The following ARHGAP26 variants were observed in gnomAD, a reference collection of about 807,000 sequenced individuals.
ARHGAP26 encodes the protein rho GTPase-activating protein 26.
ARHGAP26 carries 38 observed loss-of-function variants against 104.8 expected under a neutral mutation model. That is an observed-to-expected ratio of 0.36 (90% confidence interval 0.28 to 0.48). ARHGAP26 has a LOEUF of 0.48. Among genes scored for constraint, ARHGAP26 ranks in the 20% least tolerant of loss-of-function variants. The probability of loss-of-function intolerance (pLI) is 0.99; values close to 1 mark genes in which losing one functional copy is unlikely to be tolerated. For synonymous variants in ARHGAP26, 341 were observed against 340.0 expected (o/e 1.00, Z -0.03); for missense variants, 704 against 947.9 (o/e 0.74, Z 3.38).
chr5:143,016,391 G>A (rs927527026), intron 12 of ARHGAP26, among the ~76,000 whole-genome samples: 4 of 152,124 alleles, frequency 2.6e-5, no homozygotes, highest in African/African-American at 9.7e-5. Flanking sequence ...CACACAGGAG[G>A]TAAAAAGATG....
At chr5:142,949,361 A>C (rs1002028650) in intron 11 of ARHGAP26, among the ~76,000 whole-genome samples, 1 of 151,940 alleles carries the variant, frequency 6.6e-6, no homozygotes, top group African/African-American at 2.4e-5. Context: ...GACCCGAGCC[A>C]TATCACTCAC....
intron 20 of ARHGAP26, among the ~76,000 whole-genome samples, chr5:143,177,441 A>G (rs549457214): frequency 6.6e-6 from 1 of 152,304 alleles, no homozygotes; most frequent in South Asian, 2.1e-4. Flanking sequence ...CAAGACGCTC[A>G]GTCATGGTTG....
intron 6 of ARHGAP26, among the ~76,000 whole-genome samples, chr5:142,895,528 C>T (rs1408092652): frequency 6.6e-6 from 1 of 152,186 alleles, no homozygotes; most frequent in Non-Finnish European, 1.5e-5. Flanking sequence ...GCACGCCCGA[C>T]CAAGAAAGGA....
At chr5:142,819,241 C>T (rs1378176168) in intron 1 of ARHGAP26, among the ~76,000 whole-genome samples, 1 of 152,132 alleles carries the variant, frequency 6.6e-6, no homozygotes, top group Non-Finnish European at 1.5e-5. Flanking sequence ...TTCCTCTGTG[C>T]CCTAATTACA....
intron 19 of ARHGAP26, among the ~76,000 whole-genome samples, chr5:143,143,414 C>T (rs1798791773): frequency 6.6e-6 from 1 of 152,114 alleles, no homozygotes; most frequent in Non-Finnish European, 1.5e-5. Context: ...TCCATGGCAA[C>T]CCCCAGAACA....
chr5:143,087,098 C>T (rs1790703108), intron 17 of ARHGAP26, among the ~76,000 whole-genome samples: 1 of 152,226 alleles, frequency 6.6e-6, no homozygotes, highest in Admixed American at 6.5e-5. Context: ...CTCAAATATA[C>T]TATGCCTTAA....
At chr5:143,043,988 C>G (rs1316588779) in intron 14 of ARHGAP26, among the ~76,000 whole-genome samples, 3 of 152,164 alleles carry the variant, frequency 2.0e-5, no homozygotes, top group African/African-American at 7.2e-5. Flanking sequence ...AAAGACTTAA[C>G]TTGAGGCTGG....
At chr5:142,854,972 T>C (rs1490542383) in intron 1 of ARHGAP26, among the ~76,000 whole-genome samples, 2 of 152,348 alleles carry the variant, frequency 1.3e-5, no homozygotes, top group Non-Finnish European at 2.9e-5. Context: ...GCTTGTGGTA[T>C]CCTTCCCTTG....
chr5:143,162,301 A>G (rs1309732941), intron 20 of ARHGAP26, among the ~76,000 whole-genome samples: 1 of 150,622 alleles, frequency 6.6e-6, no homozygotes, highest in Non-Finnish European at 1.5e-5. Context: ...ACACACACAC[A>G]CACACACACA....
At chr5:142,905,363 G>GT (rs1253374048) in intron 8 of ARHGAP26, among the ~76,000 whole-genome samples, 1 of 151,814 alleles carries the variant, frequency 6.6e-6, no homozygotes, top group Non-Finnish European at 1.5e-5. Flanking sequence ...CCCTAACACA[G>GT]TCCAGAGCAC....
rs571488947 is a variant in ARHGAP26 at position 142,984,367 on chromosome 5, T to G, written c.1108-29713T>G. Among the ~76,000 whole-genome samples, 247 of 152,304 alleles carry G rather than the reference T, an allele frequency of 1.6e-3. 1 individual carries two copies. The highest frequency in any genetic ancestry group is 2.4e-3 in the Non-Finnish European group (164 of 68,028). The stretch of plus-strand genomic sequence containing the variant: ...AGAAAAGGAAACAGACATTGTACAG[T>G]CCATTAGCAGTAGCTGTCACACTTG... On this transcript the variant is annotated intron_variant, in intron 11 of 22. Coordinates refer to ENST00000645722, the MANE Select transcript of ARHGAP26 (RefSeq NM_001135608.3).
At chr5:143,171,215 A>G (rs1018835027) in intron 20 of ARHGAP26, among the ~76,000 whole-genome samples, 5 of 152,188 alleles carry the variant, frequency 3.3e-5, no homozygotes, top group Non-Finnish European at 5.9e-5. Context: ...TAGATGAACA[A>G]CCACTATCAA....
At chr5:142,800,320 G>GTCTCTC (rs554534447) in intron 1 of ARHGAP26, among the ~76,000 whole-genome samples, 1 of 150,848 alleles carries the variant, frequency 6.6e-6, no homozygotes, top group East Asian at 1.9e-4. Flanking sequence ...GTCTGTCTCT[G>GTCTCTC]TCTCTCTCTC....
At chr5:142,847,536 T>C (rs1004723224) in intron 1 of ARHGAP26, among the ~76,000 whole-genome samples, 8 of 152,180 alleles carry the variant, frequency 5.3e-5, no homozygotes, top group Admixed American at 5.2e-4. Context: ...TTTGTATTTT[T>C]AGTAGAGACG....
intron 1 of ARHGAP26, among the ~76,000 whole-genome samples, chr5:142,781,276 G>A (rs1002146679): frequency 6.6e-6 from 1 of 152,010 alleles, no homozygotes; most frequent in African/African-American, 2.4e-5. Context: ...TATTTACTTT[G>A]AAAAAAGTCT....
intron 1 of ARHGAP26, among the ~76,000 whole-genome samples, chr5:142,788,262 A>G (rs1416433251): frequency 6.6e-6 from 1 of 152,046 alleles, no homozygotes; most frequent in East Asian, 1.9e-4. Flanking sequence ...TGGCCTCCCA[A>G]AGTGCTGGGA....
intron 11 of ARHGAP26, among the ~76,000 whole-genome samples, chr5:142,939,169 A>G (rs1765879094): frequency 6.6e-6 from 1 of 152,208 alleles, no homozygotes; most frequent in African/African-American, 2.4e-5. Context: ...AAGGCTGGTA[A>G]TTGGTTGATC....
At chr5:142,873,988 T>G (rs1303518593) in intron 2 of ARHGAP26, among the ~76,000 whole-genome samples, 1 of 152,244 alleles carries the variant, frequency 6.6e-6, no homozygotes, top group Non-Finnish European at 1.5e-5. Flanking sequence ...CTTTGAAAAG[T>G]TTGAGAATTT....
intron 19 of ARHGAP26, among the ~76,000 whole-genome samples, chr5:143,142,226 C>T (rs944032899): frequency 6.7e-6 from 1 of 148,250 alleles, no homozygotes; most frequent in African/African-American, 2.5e-5. Context: ...GCAACCTTCG[C>T]CTCCCGGGTT....
Sources: allele counts gnomAD v4.1 joint callset (sites outside exome capture counted in the v4.1 genomes callset), GRCh38; gene constraint gnomAD v4.1.1; transcripts MANE v1.5; gene names NCBI Gene and HGNC (gene_info 2026-07-23, HGNC 2026-07-21).